The following VRK1 variants were observed in gnomAD, a reference collection of about 807,000 sequenced individuals.
VRK1 encodes the protein serine/threonine-protein kinase VRK1.
A neutral mutation model predicts 57.1 loss-of-function variants in VRK1; 33 were observed. That is an observed-to-expected ratio of 0.58 (90% confidence interval 0.44 to 0.77). The LOEUF is 0.77. Ranked by LOEUF, VRK1 falls within the 30% of genes least tolerant of loss-of-function variation. The pLI, the probability that VRK1 is intolerant of heterozygous loss-of-function variation, is 0.00. For synonymous variants in VRK1, 137 were observed against 147.8 expected (o/e 0.93, Z 0.53); for missense variants, 413 against 477.3 (o/e 0.87, Z 1.25).
In VRK1 at chr14:96,877,822, AT is replaced by A. The variant is rs1476583779; in HGVS notation, c.1159+1703del. The A allele has an allele frequency of 4.2e-5, 15 of 359,468 alleles. 1 individual carries two copies. The highest frequency in any genetic ancestry group is 3.1e-4 in the African/African-American group (14 of 45,200). 22.3% of individuals were successfully genotyped at this position (359,468 alleles called of 1,614,324 possible). On this transcript the variant is annotated intron_variant, in intron 12 of 12. Coordinates refer to ENST00000216639, the MANE Select transcript of VRK1 (RefSeq NM_003384.3). ...ATGAGCATCAAGCGTTTTTGTTTTG[AT>A]AGATAAATGCCTTTAAATTCTAGTA...
At position 96,823,522 on chromosome 14, in the gene VRK1, A is replaced by G. The variant is rs543416277; in HGVS notation, c.-5-9945A>G. Among the ~76,000 whole-genome samples, 15 of 152,338 alleles carry G rather than the reference A, an allele frequency of 9.8e-5. No homozygotes were observed. In the South Asian group the frequency reaches 3.1e-3, roughly 32 times the overall value. On this transcript the variant is annotated intron_variant, in intron 1 of 12. Transcript: ENST00000216639. Reference sequence around the variant, plus strand: ...CAGTTGTGTGTGTATGGGGGCAGGAATGATTCTGTAGTCATCAGGAACACG... The same window carrying G: ...CAGTTGTGTGTGTATGGGGGCAGGAGTGATTCTGTAGTCATCAGGAACACG...
chr14:96,846,101 A>C lies in VRK1; in HGVS notation c.223A>C (p.Ser75Arg), dbSNP rs1327694075. The change falls in exon 4 of 13, where the codon AGT becomes CGT. Residue 75 changes from serine (S) to arginine (R), a missense_variant. By Grantham distance (110) the Ser-to-Arg change is moderately radical. Around this residue, in one of 3 missense-constraint regions of VRK1, gnomAD observed 116 missense variants for 113.6 expected, o/e 1.02. Coordinates refer to ENST00000216639, the MANE Select transcript of VRK1 (RefSeq NM_003384.3). ...TTAACTCTTATATTTTAAGGAACCC[A>C]GTGACAATGGACCTCTTTTTACTGA... ...DAPCVVKVEP[S>R]DNGPLFTELK... 6.2e-7 allele frequency: 1 copy of C among 1,613,212 alleles called. No homozygotes were observed. The highest frequency in any genetic ancestry group is 8.5e-7 in the Non-Finnish European group (1 of 1,179,484).
chr14:96,857,020 A>G (rs762807373), intron 10 of VRK1, among the ~76,000 whole-genome samples: 2 of 152,222 alleles, frequency 1.3e-5, no homozygotes, highest in Non-Finnish European at 2.9e-5. Flanking sequence ...AGCCTCATTC[A>G]ATTATTATTC....
At chr14:96,817,376 T>TA (rs1886434322) in intron 1 of VRK1, among the ~76,000 whole-genome samples, 1 of 152,184 alleles carries the variant, frequency 6.6e-6, no homozygotes, top group Non-Finnish European at 1.5e-5. Context: ...GGCTTTTTTT[T>TA]AATCTGTGGA....
In VRK1 at chr14:96,860,558, T is replaced by C; in HGVS notation, c.891T>C (p.Gly297=). 1.2e-6 allele frequency: 2 copies of C among 1,612,182 alleles called. No individual in the cohort carries two copies. Among genetic ancestry groups the C allele is most frequent in the Non-Finnish European group, 8.5e-7 (1 of 1,178,858 alleles). Residue 297 remains glycine, a splice_region_variant and synonymous_variant, in exon 11 of 13, where the codon GGT becomes GGC. Coordinates refer to ENST00000216639, the MANE Select transcript of VRK1 (RefSeq NM_003384.3). The part of the protein sequence containing the change: ...DKCFPEKNKP[G]EIAKYMETVK... Reference sequence around the variant, plus strand: ...AAAATGATTGTGTTATTCTTTTAGGTGAAATTGCCAAATACATGGAAACAG... The same window carrying C: ...AAAATGATTGTGTTATTCTTTTAGGCGAAATTGCCAAATACATGGAAACAG...
intron 9 of VRK1, 92 bp downstream of exon 9, chr14:96,856,342 A>T (rs903125896): frequency 1.3e-6 from 2 of 1,482,410 alleles, no homozygotes; most frequent in Non-Finnish European, 9.3e-7. Flanking sequence ...GTTTCAACTG[A>T]TACTGATATA....
At chr14:96,816,650 AC>A (rs1886405222) in intron 1 of VRK1, among the ~76,000 whole-genome samples, 1 of 152,208 alleles carries the variant, frequency 6.6e-6, no homozygotes, top group African/African-American at 2.4e-5. Context: ...GGCATTGATA[AC>A]AGGTAGAGTA....
chr14:96,842,260 G>A (rs1376283345), intron 3 of VRK1, among the ~76,000 whole-genome samples: 1 of 152,022 alleles, frequency 6.6e-6, no homozygotes, highest in Admixed American at 6.6e-5. Flanking sequence ...TAGAGAGCAG[G>A]CCCACTCATA....
intron 3 of VRK1, among the ~76,000 whole-genome samples, chr14:96,844,480 C>T (rs892811915): frequency 6.6e-6 from 1 of 152,210 alleles, no homozygotes; most frequent in African/African-American, 2.4e-5. Context: ...TGCCCATTTA[C>T]TGTTAAATGC....
intron 1 of VRK1, among the ~76,000 whole-genome samples, chr14:96,823,683 C>T (rs1159237161): frequency 3.3e-5 from 5 of 152,148 alleles, no homozygotes; most frequent in Admixed American, 6.5e-5. Context: ...TACACAGTAG[C>T]GTTAAGTGTA....
At chr14:96,832,704 A>G (rs1887056225) in intron 1 of VRK1, among the ~76,000 whole-genome samples, 1 of 152,164 alleles carries the variant, frequency 6.6e-6, no homozygotes, top group South Asian at 2.1e-4. Flanking sequence ...TTCATCTCCT[A>G]AAGGATAGCT....
chr14:96,876,172 T>C, intron 12 of VRK1, 52 bp downstream of exon 12: 1 of 1,564,458 alleles, frequency 6.4e-7, no homozygotes, highest in East Asian at 2.2e-5. Context: ...ACAAATTTCA[T>C]TTCCTCCCAT....
chr14:96,832,532 G>A (rs918160421), intron 1 of VRK1, among the ~76,000 whole-genome samples: 1 of 152,122 alleles, frequency 6.6e-6, no homozygotes, highest in South Asian at 2.1e-4. Flanking sequence ...GAGGGCACTT[G>A]AAGCCCAGTG....
chr14:96,865,049 G>A (rs989055769), intron 11 of VRK1, among the ~76,000 whole-genome samples: 3 of 151,932 alleles, frequency 2.0e-5, no homozygotes, highest in African/African-American at 7.3e-5. Flanking sequence ...TCTTAATATG[G>A]TATCTTTTAA....
chr14:96,808,537 T>G (rs1886007447), intron 1 of VRK1, among the ~76,000 whole-genome samples: 1 of 152,162 alleles, frequency 6.6e-6, no homozygotes, highest in South Asian at 2.1e-4. Context: ...AAGCCCAGAT[T>G]ATGTGGGGAT....
intron 1 of VRK1, among the ~76,000 whole-genome samples, chr14:96,823,714 A>C (rs1886691072): frequency 6.6e-6 from 1 of 152,158 alleles, no homozygotes; most frequent in Non-Finnish European, 1.5e-5. Flanking sequence ...TGTGAAGCAG[A>C]TCTCTAGAAC....
intron 1 of VRK1, among the ~76,000 whole-genome samples, chr14:96,814,657 A>C (rs933071693): frequency 6.6e-6 from 1 of 152,146 alleles, no homozygotes; most frequent in African/African-American, 2.4e-5. Flanking sequence ...GTGGGGATAC[A>C]TTGTTGCACA....
At chr14:96,827,139 T>TTC (rs35470437) in intron 1 of VRK1, among the ~76,000 whole-genome samples, 94,750 of 151,634 alleles carry the variant, frequency 0.62, 30,458 homozygotes, top group African/African-American at 0.69. Flanking sequence ...GATGAAAATG[T>TTC]TCTGTCTGGT....
intron 11 of VRK1, among the ~76,000 whole-genome samples, chr14:96,867,585 A>T (rs1888636161): frequency 6.6e-6 from 1 of 151,978 alleles, no homozygotes; most frequent in African/African-American, 2.4e-5. Context: ...TAGACGCTTG[A>T]ACAATTTATT....
Sources: gnomAD v4.1 joint callset for allele counts (sites outside exome capture counted in the v4.1 genomes callset) on GRCh38, gnomAD v4.1.1 for gene constraint, gnomAD v4.1.1 regional missense constraint, MANE v1.5 for transcripts, NCBI Gene and HGNC (gene_info 2026-07-23, HGNC 2026-07-21) for gene names.